NUDCD3: variants seen among roughly 807,000 people sequenced by gnomAD.
The protein encoded by NUDCD3 is nudC domain-containing protein 3.
In NUDCD3, 13 loss-of-function variants were observed where a neutral mutation model predicts 39.7. The ratio of observed to expected loss-of-function variants is 0.33; its 90% CI spans 0.21 to 0.52. The LOEUF (loss-of-function observed/expected upper bound fraction) is 0.52, where lower values mean the gene tolerates loss of function less well. NUDCD3 is among the 20% of genes least tolerant of loss of function. NUDCD3 has a pLI of 0.96. For synonymous variants in NUDCD3, 175 were observed against 172.4 expected (o/e 1.02, Z -0.12); for missense variants, 453 against 458.1 (o/e 0.99, Z 0.10).
At position 44,404,485 on chromosome 7, in the gene NUDCD3, G is replaced by T; in HGVS notation, c.741C>A (p.Asn247Lys). The change falls in exon 4 of 6, where the codon AAC (asparagine) becomes AAA (lysine). Residue 247 changes from asparagine (N) to lysine (K), a missense_variant. Coordinates refer to ENST00000355451, the MANE Select transcript of NUDCD3 (RefSeq NM_015332.4). ...CGAGACTCCAGAGAGAACTCTCAGT[G>T]TTGATCTTGTGGGTGAGCTTCCCTT... ...LMEGKLTHKINTESSLWSLEP... is the reference protein window; with the variant it reads ...LMEGKLTHKIKTESSLWSLEP... 3.7e-6 allele frequency: 6 copies of T among 1,614,134 alleles called. No homozygotes were observed. Among genetic ancestry groups the T allele is most frequent in the Non-Finnish European group, 4.2e-6 (5 of 1,180,018 alleles).
At chr7:44,391,234 A>C (rs1798509056) in intron 5 of NUDCD3, among the ~76,000 whole-genome samples, 1 of 152,228 alleles carries the variant, frequency 6.6e-6, no homozygotes, top group African/African-American at 2.4e-5. Context: ...AACTGTGTGT[A>C]CTAAGTGCTC....
At chr7:44,389,832 CAG>C (rs1798475837) in intron 5 of NUDCD3, among the ~76,000 whole-genome samples, 1 of 151,778 alleles carries the variant, frequency 6.6e-6, no homozygotes, top group Non-Finnish European at 1.5e-5. Context: ...AAAAGGGAAA[CAG>C]AAAGAAAGGA....
At chr7:44,412,667 C>T (rs1793424472) in intron 3 of NUDCD3, among the ~76,000 whole-genome samples, 1 of 152,136 alleles carries the variant, frequency 6.6e-6, no homozygotes, top group African/African-American at 2.4e-5. Flanking sequence ...GTGGCTCACG[C>T]CTATAATCTC....
intron 5 of NUDCD3, 80 bp from the exon 6 acceptor site, chr7:44,386,201 T>C: frequency 6.8e-7 from 1 of 1,473,514 alleles, no homozygotes; most frequent in East Asian, 2.3e-5. Flanking sequence ...TGACTGCAGG[T>C]AGAGAGCCTT....
chr7:44,443,140 G>T (rs1799623429), intron 2 of NUDCD3, among the ~76,000 whole-genome samples: 1 of 152,004 alleles, frequency 6.6e-6, no homozygotes, highest in Non-Finnish European at 1.5e-5. Flanking sequence ...GGCTGTCATG[G>T]GAGCCCTACC....
rs147199578 is a variant in NUDCD3 at position 44,407,578 on chromosome 7, A to C, written c.643-2995T>G. Among the ~76,000 whole-genome samples the C allele has an allele frequency of 3.9e-3, 584 of 151,618 alleles. 7 individuals carry two copies. Among genetic ancestry groups the C allele is most frequent in the African/African-American group, 0.013 (553 of 41,416 alleles). ...TGAAATTCTGTCTCAAAAAAAAAAA[A>C]AAAAAAAACTAGAGAACTGAAGACT... On this transcript the variant is annotated intron_variant, in intron 3 of 5. Transcript: ENST00000355451.
chr7:44,413,598 A>G (rs1798969283), intron 3 of NUDCD3, among the ~76,000 whole-genome samples: 1 of 152,216 alleles, frequency 6.6e-6, no homozygotes, highest in Admixed American at 6.5e-5. Context: ...CATACTACAC[A>G]TAGATACTAT....
chr7:44,468,349 C>CA (rs77181470), intron 2 of NUDCD3: 36,476 of 377,492 alleles, frequency 0.097, 958 homozygotes, highest in African/African-American at 0.28. Context: ...GTAAAAACTG[C>CA]AAAAAAAAAA....
chr7:44,467,465 G>C (rs1211111064), intron 2 of NUDCD3, among the ~76,000 whole-genome samples: 1 of 152,162 alleles, frequency 6.6e-6, no homozygotes, highest in Admixed American at 6.5e-5. Context: ...CTCTGCATCA[G>C]CCAGAGGCCA....
chr7:44,394,808 G>A (rs571878610), intron 4 of NUDCD3, among the ~76,000 whole-genome samples: 1 of 152,300 alleles, frequency 6.6e-6, no homozygotes, highest in African/African-American at 2.4e-5. Context: ...CCATCCAGGG[G>A]ACGGTGCTGG....
At chr7:44,414,987 G>A (rs146696256) in intron 3 of NUDCD3, among the ~76,000 whole-genome samples, 2 of 152,292 alleles carry the variant, frequency 1.3e-5, no homozygotes, top group African/African-American at 4.8e-5. Flanking sequence ...CCAGCCTGCA[G>A]GACCACTCAC....
chr7:44,475,273 A>G (rs1458047434), intron 2 of NUDCD3, among the ~76,000 whole-genome samples: 1 of 152,014 alleles, frequency 6.6e-6, no homozygotes, highest in African/African-American at 2.4e-5. Context: ...CACCACACTC[A>G]GCTAATTTTT....
intron 2 of NUDCD3, among the ~76,000 whole-genome samples, chr7:44,458,374 C>G (rs1193972052): frequency 2.0e-5 from 3 of 152,166 alleles, no homozygotes; most frequent in African/African-American, 7.2e-5. Flanking sequence ...TAAAAATGTT[C>G]TGGGGCCAGA....
intron 2 of NUDCD3, among the ~76,000 whole-genome samples, chr7:44,439,568 T>G (rs1437876059): frequency 1.3e-5 from 2 of 148,778 alleles, no homozygotes; most frequent in Non-Finnish European, 1.5e-5. Context: ...CAGAGAATCC[T>G]GTAGTGCCAA....
intron 5 of NUDCD3, among the ~76,000 whole-genome samples, chr7:44,391,749 A>G (rs1255157005): frequency 6.6e-6 from 1 of 152,198 alleles, no homozygotes; most frequent in Non-Finnish European, 1.5e-5. Flanking sequence ...GAATGTATAC[A>G]TCTAATTAAT....
intron 5 of NUDCD3, among the ~76,000 whole-genome samples, chr7:44,391,006 C>A (rs922680378): frequency 2.6e-5 from 4 of 152,186 alleles, no homozygotes; most frequent in Non-Finnish European, 5.9e-5. Flanking sequence ...GAGGAACATT[C>A]TCTTCCATAG....
intron 2 of NUDCD3, among the ~76,000 whole-genome samples, chr7:44,461,685 GGCC>G (rs1800019603): frequency 6.6e-6 from 1 of 152,092 alleles, no homozygotes; most frequent in Non-Finnish European, 1.5e-5. Context: ...CATGCAGAAT[GGCC>G]ACACCTCAGC....
rs1312964967 is a variant in NUDCD3 at position 44,382,858 on chromosome 7, C to T, written c.*3153G>A. On this transcript the variant is annotated 3_prime_UTR_variant, in exon 6 of 6. Transcript: ENST00000355451. ...GAGTTCTCTGTGCAGCAGCTGACGC[C>T]TCTTGGACACATTTCCACACAAAAC... is the stretch of plus-strand genomic sequence containing the variant. 6.6e-6 allele frequency: 1 copy of T among 152,348 alleles called. No individual in the cohort carries two copies. The highest frequency in any genetic ancestry group is 2.4e-5 in the African/African-American group (1 of 41,446). 9.4% of individuals were successfully genotyped at this position (152,348 alleles called of 1,614,324 possible).
At chr7:44,427,520 C>A (rs750459735) in intron 3 of NUDCD3, 51 bp downstream of exon 3, 1 of 1,582,566 alleles carries the variant, frequency 6.3e-7, no homozygotes, top group Non-Finnish European at 8.6e-7. Context: ...CCTGCAACAG[C>A]TTTGACTGGC....
Sources: allele counts gnomAD v4.1 joint callset (sites outside exome capture counted in the v4.1 genomes callset), GRCh38; gene constraint gnomAD v4.1.1; transcripts MANE v1.5; gene names NCBI Gene and HGNC (gene_info 2026-07-23, HGNC 2026-07-21).